MCHR1: variants seen among roughly 807,000 people sequenced by gnomAD.
MCHR1 encodes melanin-concentrating hormone receptor 1.
A neutral mutation model predicts 20.4 loss-of-function variants in MCHR1; 13 were observed. That is an observed-to-expected ratio of 0.64 (90% confidence interval 0.41 to 1.01). The LOEUF (loss-of-function observed/expected upper bound fraction) is 1.01. Ranked by LOEUF, MCHR1 falls within the 50% of genes least tolerant of loss-of-function variation. MCHR1 has a pLI of 0.00. For synonymous variants in MCHR1, 215 were observed against 204.4 expected (o/e 1.05, Z -0.44); for missense variants, 472 against 477.0 (o/e 0.99, Z 0.10).
rs201808043 is a variant in MCHR1 at position 40,681,321 on chromosome 22, C to T, written c.455C>T (p.Thr152Met). 3.1e-6 allele frequency: 5 copies of T among 1,614,102 alleles called. No homozygotes were observed. The highest frequency in any genetic ancestry group is 2.2e-5 in the East Asian group (1 of 44,890). ...GCCACTGTCCACCCCATCTCTTCCA[C>T]GAAGTTCCGGAAGCCCTCTGTGGCC... ...YLATVHPISS[T>M]KFRKPSVATL... Residue 152 changes from threonine (T) to methionine (M), a missense_variant, in exon 2 of 2, where the codon ACG becomes ATG. Coordinates refer to ENST00000249016, the MANE Select transcript of MCHR1 (RefSeq NM_005297.4). This position sits in a 1 kb window ranked among gnomAD's most constrained non-coding sequence, Gnocchi z 4.3.
At position 40,681,252 on chromosome 22, in the gene MCHR1, C is replaced by G. The variant is rs201299757; in HGVS notation, c.386C>G (p.Thr129Ser). The change falls in exon 2 of 2, where the codon ACC (threonine) becomes AGC (serine). Residue 129 changes from threonine (T) to serine (S), a missense_variant. Coordinates refer to ENST00000249016, the MANE Select transcript of MCHR1 (RefSeq NM_005297.4). This position sits in a 1 kb window ranked among gnomAD's most constrained non-coding sequence, Gnocchi z 4.3. ...ITAMDANSQF[T>S]STYILTAMAI... ...GCCATGGATGCCAATAGTCAGTTCACCAGCACCTACATCCTGACCGCCATG... is the reference window on the plus strand; with the variant it reads ...GCCATGGATGCCAATAGTCAGTTCAGCAGCACCTACATCCTGACCGCCATG... The G allele has an allele frequency of 5.6e-6, 9 of 1,614,156 alleles. No individual in the cohort carries two copies. The highest frequency in any genetic ancestry group is 7.6e-6 in the Non-Finnish European group (9 of 1,180,032).
chr22:40,679,868 G>C (rs2056870317), intron 1 of MCHR1, 134 bp downstream of exon 1: 1 of 1,069,386 alleles, frequency 9.4e-7, no homozygotes, highest in Non-Finnish European at 1.4e-6. Context: ...TTGCTCTGAG[G>C]GGCAGGAGAA....
rs1442750489 is a variant in MCHR1, at chr22:40,681,300, C to T, written c.434C>T (p.Thr145Ile). ...TAMAIDRYLA[T>I]VHPISSTKFR... Reference sequence around the variant, plus strand: ...ATGGCCATTGACCGCTACCTGGCCACTGTCCACCCCATCTCTTCCACGAAG... The same window carrying T: ...ATGGCCATTGACCGCTACCTGGCCATTGTCCACCCCATCTCTTCCACGAAG... The change falls in exon 2 of 2, where the codon ACT (threonine) becomes ATT (isoleucine). Residue 145 changes from threonine to isoleucine, a missense_variant. Coordinates refer to ENST00000249016, the MANE Select transcript of MCHR1 (RefSeq NM_005297.4). This position sits in a 1 kb window ranked among gnomAD's most constrained non-coding sequence, Gnocchi z 4.3. 2 of 1,614,202 alleles carry T rather than the reference C, an allele frequency of 1.2e-6. No homozygotes were observed. Among genetic ancestry groups the T allele is most frequent in the Admixed American group, 1.7e-5 (1 of 60,018 alleles).
chr22:40,681,824 A>C lies in MCHR1; in HGVS notation c.958A>C (p.Lys320Gln). 1 of 1,614,160 alleles carries C rather than the reference A, an allele frequency of 6.2e-7. No individual in the cohort carries two copies. Among genetic ancestry groups the C allele is most frequent in the South Asian group, 1.1e-5 (1 of 91,090 alleles). The change falls in exon 2 of 2, where the codon AAA becomes CAA. Residue 320 changes from lysine (K) to glutamine (Q), a missense_variant. Lys to Gln is a moderately conservative substitution (Grantham distance 53). Coordinates refer to ENST00000249016, the MANE Select transcript of MCHR1 (RefSeq NM_005297.4). This position sits in a 1 kb window ranked among gnomAD's most constrained non-coding sequence, Gnocchi z 4.3. ...VYIVLCETFR[K>Q]RLVLSVKPAA... ...CATCGTGCTCTGTGAGACGTTCCGC[A>C]AACGCTTGGTCCTGTCGGTGAAGCC...
Position 40,681,590 on chromosome 22 carries a change from G to A in MCHR1, c.724G>A (p.Ala242Thr), listed in dbSNP as rs138986715. Residue 242 changes from alanine to threonine, a missense_variant, in exon 2 of 2, where the codon GCC (alanine) becomes ACC (threonine). By Grantham distance (58) the Ala-to-Thr change is moderately conservative (BLOSUM62 0). Coordinates refer to ENST00000249016, the MANE Select transcript of MCHR1 (RefSeq NM_005297.4). This position sits in a 1 kb window ranked among gnomAD's most constrained non-coding sequence, Gnocchi z 4.3. Reference protein sequence around the residue: ...LQRMTSSVAPASQRSIRLRTK... With the variant: ...LQRMTSSVAPTSQRSIRLRTK... Reference sequence around the variant, plus strand: ...GCGCATGACGTCCTCAGTGGCCCCCGCCTCCCAGCGCAGCATCCGGCTGCG... The same window carrying A: ...GCGCATGACGTCCTCAGTGGCCCCCACCTCCCAGCGCAGCATCCGGCTGCG... 2.6e-4 allele frequency: 416 copies of A among 1,613,824 alleles called. No individual in the cohort carries two copies. Among genetic ancestry groups the A allele is most frequent in the Non-Finnish European group, 3.3e-4 (391 of 1,180,040 alleles).
chr22:40,679,558 C>T lies in MCHR1; in HGVS notation c.-95C>T, dbSNP rs150069806. 33 of 1,613,716 alleles carry T rather than the reference C, an allele frequency of 2.0e-5. No individual in the cohort carries two copies. Among genetic ancestry groups the T allele is most frequent in the South Asian group, 9.9e-5 (9 of 91,066 alleles). ...CTTCCCAACTGCGGGGCTTGCGCTCCGGGACAAGGTGGCAGGCGCTGGAGG... is the reference window on the plus strand; with the variant it reads ...CTTCCCAACTGCGGGGCTTGCGCTCTGGGACAAGGTGGCAGGCGCTGGAGG... On this transcript the variant is annotated 5_prime_UTR_variant, in exon 1 of 2. Coordinates refer to ENST00000249016, the MANE Select transcript of MCHR1 (RefSeq NM_005297.4).
chr22:40,681,476 G>C lies in MCHR1; in HGVS notation c.610G>C (p.Asp204His). Residue 204 changes from aspartate (D) to histidine (H), a missense_variant, in exon 2 of 2, where the codon GAC (aspartate) becomes CAC (histidine). By Grantham distance (81) the Asp-to-His change is moderately conservative. Coordinates refer to ENST00000249016, the MANE Select transcript of MCHR1 (RefSeq NM_005297.4). This position sits in a 1 kb window ranked among gnomAD's most constrained non-coding sequence, Gnocchi z 4.3. ...CGIRLPNPDT[D>H]LYWFTLYQFF... ...CATACGCCTGCCCAACCCAGACACT[G>C]ACCTCTACTGGTTCACCCTGTACCA... 1 of 1,612,880 alleles carries C rather than the reference G, an allele frequency of 6.2e-7. No homozygotes were observed.
At position 40,681,173 on chromosome 22, in the gene MCHR1, C is replaced by T. The variant is rs757056931; in HGVS notation, c.307C>T (p.Leu103Phe). Reference protein sequence around the residue: ...LLGMPFMIHQLMGNGVWHFGE... With the variant: ...LLGMPFMIHQFMGNGVWHFGE... ...GGGCATGCCCTTCATGATCCACCAG[C>T]TCATGGGCAATGGGGTGTGGCACTT... The change falls in exon 2 of 2, where the codon CTC (leucine) becomes TTC (phenylalanine). Residue 103 changes from leucine (L) to phenylalanine (F), a missense_variant. Leu to Phe is a conservative substitution (Grantham distance 22, BLOSUM62 0). Transcript: ENST00000249016. This position sits in a 1 kb window ranked among gnomAD's most constrained non-coding sequence, Gnocchi z 4.3. 2 of 1,614,136 alleles carry T rather than the reference C, an allele frequency of 1.2e-6. No homozygotes were observed. Among genetic ancestry groups the T allele is most frequent in the South Asian group, 2.2e-5 (2 of 91,072 alleles).
chr22:40,679,582 G>A lies in MCHR1; in HGVS notation c.-71G>A. On this transcript the variant is annotated 5_prime_UTR_variant, in exon 1 of 2. Coordinates refer to ENST00000249016, the MANE Select transcript of MCHR1 (RefSeq NM_005297.4). Reference sequence around the variant, plus strand: ...CCGGGACAAGGTGGCAGGCGCTGGAGGCTGCCGCAGCCTGCGTGGGTGGAG... The same window carrying A: ...CCGGGACAAGGTGGCAGGCGCTGGAAGCTGCCGCAGCCTGCGTGGGTGGAG... 6.2e-7 allele frequency: 1 copy of A among 1,613,702 alleles called. No individual in the cohort carries two copies. The highest frequency in any genetic ancestry group is 8.5e-7 in the Non-Finnish European group (1 of 1,179,832).
chr22:40,679,964 G>T lies in MCHR1; in HGVS notation c.82+230G>T, dbSNP rs1007246102. Reference sequence around the variant, plus strand: ...TCAGAATGGCAAGGAAGGGGGGCCAGCCGTGAGACAGCAGGGGAAGGCTCG... The same window carrying T: ...TCAGAATGGCAAGGAAGGGGGGCCATCCGTGAGACAGCAGGGGAAGGCTCG... On this transcript the variant is annotated intron_variant, in intron 1 of 1. Coordinates refer to ENST00000249016, the MANE Select transcript of MCHR1 (RefSeq NM_005297.4). 6.6e-6 allele frequency: 4 copies of T among 603,382 alleles called. No individual in the cohort carries two copies. In the Admixed American group the frequency reaches 1.0e-4, roughly 16 times the overall value. 37.4% of individuals were successfully genotyped at this position (603,382 alleles called of 1,614,324 possible).
In MCHR1 at chr22:40,679,489, G is replaced by A. The variant is rs767884928; in HGVS notation, c.-164G>A. ...AAGAAGGGAGTGGGGAGGGCAGTTG[G>A]GCTTGGAGGCGGCAGCGGCTGCCAG... is the stretch of plus-strand genomic sequence containing the variant. On this transcript the variant is annotated 5_prime_UTR_variant, in exon 1 of 2. Transcript: ENST00000249016. 1 of 1,614,200 alleles carries A rather than the reference G, an allele frequency of 6.2e-7. No individual in the cohort carries two copies. Among genetic ancestry groups the A allele is most frequent in the Non-Finnish European group, 8.5e-7 (1 of 1,180,032 alleles).
In MCHR1 at chr22:40,679,505, C is replaced by T. The variant is rs566435829; in HGVS notation, c.-148C>T. On this transcript the variant is annotated 5_prime_UTR_variant, in exon 1 of 2. Transcript: ENST00000249016. The stretch of plus-strand genomic sequence containing the variant: ...GGGCAGTTGGGCTTGGAGGCGGCAG[C>T]GGCTGCCAGGCTACGGAGGAAGACC... 21 of 1,613,976 alleles carry T rather than the reference C, an allele frequency of 1.3e-5. No homozygotes were observed. The highest frequency in any genetic ancestry group is 8.0e-5 in the African/African-American group (6 of 75,036).
intron 1 of MCHR1, among the ~76,000 whole-genome samples, chr22:40,680,572 G>GCACA (rs748382761): frequency 8.0e-5 from 9 of 112,936 alleles, no homozygotes; most frequent in East Asian, 2.1e-3. Context: ...GGAAAAGCAC[G>GCACA]CACACACACA....
At position 40,681,708 on chromosome 22, in the gene MCHR1, C is replaced by G. The variant is rs200691880; in HGVS notation, c.842C>G (p.Ser281Cys). 1.3e-5 allele frequency: 21 copies of G among 1,614,144 alleles called. No homozygotes were observed. Among genetic ancestry groups the G allele is most frequent in the Non-Finnish European group, 1.7e-5 (20 of 1,180,064 alleles). ...TATGTGCTACAGCTGACCCAGTTGT[C>G]CATCAGCCGCCCGACCCTCACCTTT... is the stretch of plus-strand genomic sequence containing the variant. ...PYYVLQLTQLSISRPTLTFVY... is the reference protein window; with the variant it reads ...PYYVLQLTQLCISRPTLTFVY... The change falls in exon 2 of 2, where the codon TCC (serine) becomes TGC (cysteine). Residue 281 changes from serine (S) to cysteine (C), a missense_variant. Coordinates refer to ENST00000249016, the MANE Select transcript of MCHR1 (RefSeq NM_005297.4). The surrounding 1 kb of genome is among the most constrained non-coding windows in gnomAD (Gnocchi z 4.3).
rs2056880399 is a variant in MCHR1, at chr22:40,681,525, CT to C, written c.663del (p.Phe221LeufsTer9). On this transcript the variant is annotated frameshift_variant, in exon 2 of 2. Transcript: ENST00000249016. LOFTEE classifies it high-confidence loss of function. The surrounding 1 kb of genome is among the most constrained non-coding windows in gnomAD (Gnocchi z 4.3). ...LYQFFLAFALPFVVITAAYVR... is the reference protein window; with the variant it reads ...LYQFFLAFALXFVVITAAYVR... ...CAGTTTTTCCTGGCCTTTGCCCTGC[CT>C]TTTGTGGTCATCACAGCCGCATACG... 6.2e-7 allele frequency: 1 copy of C among 1,612,596 alleles called. No individual in the cohort carries two copies. Among genetic ancestry groups the C allele is most frequent in the Non-Finnish European group, 8.5e-7 (1 of 1,180,050 alleles).
In MCHR1 at chr22:40,682,190, A is replaced by T; in HGVS notation, c.*262A>T. 1.9e-6 allele frequency: 1 copy of T among 539,820 alleles called. No homozygotes were observed. The highest frequency in any genetic ancestry group is 3.3e-6 in the Non-Finnish European group (1 of 299,104). 33.4% of individuals were successfully genotyped at this position (539,820 alleles called of 1,614,324 possible). A position where few individuals can be genotyped will look rare whatever the true frequency, so the allele number is the denominator to read the frequency against. ...GATAGAACAGAAGCTGAGCAAGAGA[A>T]CATGTTGGTTTGGATAACCGGTTGC... is the stretch of plus-strand genomic sequence containing the variant. On this transcript the variant is annotated 3_prime_UTR_variant, in exon 2 of 2. Coordinates refer to ENST00000249016, the MANE Select transcript of MCHR1 (RefSeq NM_005297.4).
chr22:40,682,160 C>G lies in MCHR1; in HGVS notation c.*232C>G. 8.5e-6 allele frequency: 5 copies of G among 591,466 alleles called. No homozygotes were observed. In the South Asian group the frequency reaches 9.8e-5, roughly 12 times the overall value. 36.6% of individuals were successfully genotyped at this position (591,466 alleles called of 1,614,324 possible). A position where few individuals can be genotyped will look rare whatever the true frequency, so the allele number is the denominator to read the frequency against. Reference sequence around the variant, plus strand: ...TCCCCTTGGGGGAGCAGGATGAGACCTTTGGATAGAACAGAAGCTGAGCAA... The same window carrying G: ...TCCCCTTGGGGGAGCAGGATGAGACGTTTGGATAGAACAGAAGCTGAGCAA... On this transcript the variant is annotated 3_prime_UTR_variant, in exon 2 of 2. Coordinates refer to ENST00000249016, the MANE Select transcript of MCHR1 (RefSeq NM_005297.4).
chr22:40,680,964 C>T lies in MCHR1; in HGVS notation c.98C>T (p.Thr33Met), dbSNP rs766515276. The change falls in exon 2 of 2, where the codon ACG (threonine) becomes ATG (methionine). Residue 33 changes from threonine (T) to methionine (M), a missense_variant. Transcript: ENST00000249016. ...NLTSAGSPPR[T>M]GSISYINIIM... ...CTGTCCCCAGGATCACCTCCTCGCA[C>T]GGGGAGCATCTCCTACATCAACATC... The T allele has an allele frequency of 2.1e-5, 34 of 1,613,986 alleles. No individual in the cohort carries two copies. In the East Asian group the frequency reaches 4.7e-4, roughly 22 times the overall value.
Position 40,681,294 on chromosome 22 carries a change from T to A in MCHR1, c.428T>A (p.Leu143Gln). The A allele has an allele frequency of 6.2e-7, 1 of 1,614,184 alleles. No individual in the cohort carries two copies. The highest frequency in any genetic ancestry group is 8.5e-7 in the Non-Finnish European group (1 of 1,180,046). Residue 143 changes from leucine (L) to glutamine (Q), a missense_variant, in exon 2 of 2, where the codon CTG becomes CAG. Physicochemically the swap from Leu to Gln is moderately radical, Grantham distance 113 (BLOSUM62 -2). Transcript: ENST00000249016. The surrounding 1 kb of genome is among the most constrained non-coding windows in gnomAD (Gnocchi z 4.3). ...ILTAMAIDRY[L>Q]ATVHPISSTK... ...ACCGCCATGGCCATTGACCGCTACC[T>A]GGCCACTGTCCACCCCATCTCTTCC...
Sources: gnomAD v4.1 joint callset for allele counts (sites outside exome capture counted in the v4.1 genomes callset) on GRCh38, gnomAD v4.1.1 for gene constraint, Gnocchi (gnomAD v3.1) non-coding constraint, MANE v1.5 for transcripts, NCBI Gene and HGNC (gene_info 2026-07-23, HGNC 2026-07-21) for gene names.